The following REV3L variants were observed in gnomAD, a reference collection of about 807,000 sequenced individuals.
REV3L encodes DNA polymerase zeta catalytic subunit.
A neutral mutation model predicts 299.4 loss-of-function variants in REV3L; 69 were observed. That is an observed-to-expected ratio of 0.23 (90% confidence interval 0.19 to 0.28). The LOEUF is 0.28. Ranked by LOEUF, REV3L falls within the 10% of genes least tolerant of loss-of-function variation. The pLI, the probability that REV3L is intolerant of heterozygous loss-of-function variation, is 1.00. For synonymous variants in REV3L, 1,238 were observed against 1,271.4 expected, an observed-to-expected ratio of 0.97 and a Z score of 0.56; for missense variants, 3,128 against 3,693.8, an observed-to-expected ratio of 0.85 and a Z score of 3.97.
At chr6:111,441,310 T>C (rs987201045) in intron 1 of REV3L, among the ~76,000 whole-genome samples, 2 of 152,234 alleles carry the variant, frequency 1.3e-5, no homozygotes, top group Non-Finnish European at 2.9e-5. Context: ...TGGAGTGCAG[T>C]GGCGTGATCT....
intron 1 of REV3L, among the ~76,000 whole-genome samples, chr6:111,444,750 C>T (rs999928045): frequency 1.3e-5 from 2 of 152,156 alleles, no homozygotes; most frequent in Admixed American, 6.5e-5. Flanking sequence ...TGTAGGCTTT[C>T]TCTACTCCAG....
At chr6:111,392,673 A>G (rs1164785631) in intron 5 of REV3L, 1 of 427,654 alleles carries the variant, frequency 2.3e-6, no homozygotes, top group African/African-American at 2.0e-5. Context: ...TTAATTAGGT[A>G]ATAACTAGTA....
intron 16 of REV3L, chr6:111,361,708 T>G (rs1317814022): frequency 6.6e-6 from 1 of 152,212 alleles, no homozygotes; most frequent in African/African-American, 2.4e-5. Flanking sequence ...CCTTGTCTTC[T>G]GCACTGAGTA....
Position 111,299,105 on chromosome 6 carries a change from T to TAAAA in REV3L, c.*907_*910dup. 6.6e-6 allele frequency: 1 copy of TAAAA among 152,612 alleles called. No homozygotes were observed. The highest frequency in any genetic ancestry group is 1.9e-4 in the East Asian group (1 of 5,190). The allele number at this position is 152,612 out of a possible 1,614,324, so 9.5% of individuals were successfully genotyped here. ...TTTTAAAACAAAATGATTTCCAGTT[T>TAAAA]AAAAAACAATGCACTGACCACATAA... On this transcript the variant is annotated 3_prime_UTR_variant, in exon 32 of 32. Coordinates refer to ENST00000368802, the MANE Select transcript of REV3L (RefSeq NM_001372078.1).
chr6:111,426,358 C>T (rs1199662791), intron 1 of REV3L, among the ~76,000 whole-genome samples: 1 of 152,152 alleles, frequency 6.6e-6, no homozygotes, highest in East Asian at 1.9e-4. Flanking sequence ...CTTACTTTCT[C>T]CTTATAAACT....
intron 1 of REV3L, among the ~76,000 whole-genome samples, chr6:111,422,188 A>G (rs980974929): frequency 1.7e-4 from 26 of 152,204 alleles, no homozygotes. Context: ...AAATAGGGAA[A>G]TAAGTAAAAT....
intron 31 of REV3L, among the ~76,000 whole-genome samples, chr6:111,303,738 AAG>A (rs1433466631): frequency 7.2e-4 from 20 of 27,724 alleles, no homozygotes; most frequent in African/African-American, 4.3e-3. Context: ...TTTTTTTTTT[AAG>A]ATGGAGTCTT....
chr6:111,395,884 G>A (rs1782447279), intron 4 of REV3L, among the ~76,000 whole-genome samples: 1 of 152,144 alleles, frequency 6.6e-6, no homozygotes, highest in South Asian at 2.1e-4. Context: ...CTTATCAAGA[G>A]TTTTTACCAT....
intron 23 of REV3L, among the ~76,000 whole-genome samples, chr6:111,332,054 C>A (rs1775438926): frequency 6.6e-6 from 1 of 152,096 alleles, no homozygotes; most frequent in Non-Finnish European, 1.5e-5. Context: ...AACTCAACAT[C>A]TGATCATCTT....
At chr6:111,369,198 C>A (rs467042) in intron 13 of REV3L, among the ~76,000 whole-genome samples, 1 of 148,458 alleles carries the variant, frequency 6.7e-6, no homozygotes, top group Non-Finnish European at 1.5e-5. Context: ...AGGAGAATGG[C>A]GTGAACCAGG....
intron 1 of REV3L, among the ~76,000 whole-genome samples, chr6:111,459,731 C>T (rs1790541300): frequency 6.6e-6 from 1 of 151,998 alleles, no homozygotes; most frequent in South Asian, 2.1e-4. Context: ...CATCTCATAC[C>T]AGTCAGAATA....
chr6:111,380,321 G>A (rs763020313), intron 10 of REV3L, 102 bp from the exon 11 acceptor site: 49 of 785,942 alleles, frequency 6.2e-5, no homozygotes, highest in Non-Finnish European at 8.8e-5. Context: ...GTGCAGTGGC[G>A]TGATCTAGGC....
chr6:111,368,516 A>G (rs1204924736), intron 13 of REV3L, among the ~76,000 whole-genome samples: 2 of 152,162 alleles, frequency 1.3e-5, no homozygotes, highest in Non-Finnish European at 2.9e-5. Context: ...GTACTCTCAA[A>G]TTCCCTTAAA....
At chr6:111,430,997 A>G (rs1012840831) in intron 1 of REV3L, 1 of 1,570,720 alleles carries the variant, frequency 6.4e-7, no homozygotes, top group Non-Finnish European at 8.6e-7. Context: ...CAAAGAGGAC[A>G]AAAGAACAAA....
chr6:111,407,746 C>T (rs756720002), intron 3 of REV3L, among the ~76,000 whole-genome samples: 22 of 151,930 alleles, frequency 1.4e-4, no homozygotes, highest in Non-Finnish European at 2.4e-4. Context: ...ACCAGCCTGG[C>T]CAACATGGAG....
chr6:111,391,958 C>T (rs1185945549), intron 5 of REV3L, among the ~76,000 whole-genome samples: 1 of 152,234 alleles, frequency 6.6e-6, no homozygotes, highest in African/African-American at 2.4e-5. Context: ...CACTGACCTC[C>T]GGTCTGGGCA....
intron 1 of REV3L, among the ~76,000 whole-genome samples, chr6:111,476,514 T>C (rs1792960404): frequency 6.6e-6 from 1 of 152,144 alleles, no homozygotes; most frequent in East Asian, 1.9e-4. Context: ...TTTCTACTTG[T>C]GGCATCATGT....
At position 111,307,949 on chromosome 6, in the gene REV3L, C is replaced by T. The variant is rs556405292; in HGVS notation, c.9043-379G>A. ...ATCCCTCCCCCAGCTCCCCACCCCC[C>T]GACAGGCCCTGGTGTGTGATGTTCC... On this transcript the variant is annotated intron_variant, in intron 30 of 31. Transcript: ENST00000368802. The T allele has an allele frequency of 8.0e-4, 225 of 279,990 alleles. 2 individuals are homozygous for T. Among genetic ancestry groups the T allele is most frequent in the African/African-American group, 4.6e-3 (203 of 44,254 alleles). 17.3% of individuals were successfully genotyped at this position (279,990 alleles called of 1,614,324 possible).
intron 21 of REV3L, among the ~76,000 whole-genome samples, chr6:111,339,930 T>C (rs3828725): frequency 1.3e-5 from 2 of 152,168 alleles, no homozygotes; most frequent in Non-Finnish European, 2.9e-5. Context: ...TCCTAATGCT[T>C]TGTCAAACTT....
Sources: gnomAD v4.1 joint callset for allele counts (sites outside exome capture counted in the v4.1 genomes callset) on GRCh38, gnomAD v4.1.1 for gene constraint, MANE v1.5 for transcripts, NCBI Gene and HGNC (gene_info 2026-07-23, HGNC 2026-07-21) for gene names.